ERMP1: variants seen among roughly 807,000 people sequenced by gnomAD.
ERMP1 encodes the protein Felix-ina.
In ERMP1, 86 loss-of-function variants were observed where a neutral mutation model predicts 92.0. The ratio of observed to expected loss-of-function variants is 0.93; its 90% CI spans 0.79 to 1.12. The LOEUF (loss-of-function observed/expected upper bound fraction) is 1.12, where lower values mean the gene tolerates loss of function less well. Ranked by LOEUF, ERMP1 falls within the 50% of genes most tolerant of loss-of-function variation. ERMP1 has a pLI of 0.00. For synonymous variants in ERMP1, 530 were observed against 412.8 expected (o/e 1.28, Z -3.44); for missense variants, 1,342 against 1,116.3 (o/e 1.20, Z -2.88).
chr9:5,841,396 AG>A (rs1830161327), intron 6 of ERMP1, among the ~76,000 whole-genome samples: 1 of 152,250 alleles, frequency 6.6e-6, no homozygotes, highest in East Asian at 1.9e-4. Context: ...TATCCAGAAT[AG>A]GTAACTGCAT....
intron 6 of ERMP1, among the ~76,000 whole-genome samples, chr9:5,854,152 G>A (rs997535394): frequency 1.1e-4 from 16 of 151,968 alleles, no homozygotes; most frequent in Non-Finnish European, 2.1e-4. Flanking sequence ...GCTGCTGTGG[G>A]TGAAGTTTTA....
chr9:5,795,506 G>T (rs147561547), intron 13 of ERMP1, among the ~76,000 whole-genome samples: 2 of 152,228 alleles, frequency 1.3e-5, no homozygotes, highest in Non-Finnish European at 2.9e-5. Flanking sequence ...TAGGCTGGGC[G>T]CGGTGGCTCA....
chr9:5,816,124 C>G (rs962037886), intron 4 of ERMP1, among the ~76,000 whole-genome samples: 1 of 152,154 alleles, frequency 6.6e-6, no homozygotes, highest in Admixed American at 6.6e-5. Flanking sequence ...AATCCACCCT[C>G]TTCCATGAGA....
chr9:5,841,337 G>A (rs903765634), intron 6 of ERMP1, among the ~76,000 whole-genome samples: 1 of 152,330 alleles, frequency 6.6e-6, no homozygotes, highest in Non-Finnish European at 1.5e-5. Context: ...CTAAGTGGAA[G>A]ACACCAGACA....
chr9:5,802,999 C>G (rs904975280), intron 10 of ERMP1, among the ~76,000 whole-genome samples: 2 of 152,150 alleles, frequency 1.3e-5, no homozygotes, highest in Non-Finnish European at 2.9e-5. Flanking sequence ...CACCACTGCA[C>G]TCCAGCCTGA....
At position 5,785,633 on chromosome 9, in the gene ERMP1, T is replaced by A. The variant is rs1280548814; in HGVS notation, c.*1511A>T. Reference sequence around the variant, plus strand: ...GGGGCATGATTTAAAAAGCACATCATACACATGAGACAAGCAGCTTCAAGG... The same window carrying A: ...GGGGCATGATTTAAAAAGCACATCAAACACATGAGACAAGCAGCTTCAAGG... On this transcript the variant is annotated 3_prime_UTR_variant, in exon 15 of 15. Transcript: ENST00000339450. 1 of 152,806 alleles carries A rather than the reference T, an allele frequency of 6.5e-6. No individual in the cohort carries two copies. The highest frequency in any genetic ancestry group is 1.5e-5 in the Non-Finnish European group (1 of 68,054). 9.5% of individuals were successfully genotyped at this position (152,806 alleles called of 1,614,324 possible).
In ERMP1 at chr9:5,787,366, G is replaced by C. The variant is rs537189869; in HGVS notation, c.2551-58C>G. The C allele has an allele frequency of 2.5e-6, 4 of 1,601,782 alleles. No homozygotes were observed. In the Admixed American group the frequency reaches 5.2e-5, roughly 21 times the overall value. ...TCAGAAGCCAGAATACTGAACCCAA[G>C]GTTCTTGCTAAATACCACCTGGGAA... On this transcript the variant is annotated intron_variant, in intron 14 of 14. Coordinates refer to ENST00000339450, the MANE Select transcript of ERMP1 (RefSeq NM_024896.3).
At chr9:5,862,360 T>C (rs1393576261) in intron 5 of ERMP1, among the ~76,000 whole-genome samples, 1 of 151,180 alleles carries the variant, frequency 6.6e-6, no homozygotes, top group Non-Finnish European at 1.5e-5. Context: ...AGAGACAGAG[T>C]CTCACTCTGT....
intron 13 of ERMP1, 120 bp downstream of exon 13, chr9:5,797,697 C>A: frequency 2.1e-5 from 13 of 627,208 alleles, no homozygotes; most frequent in East Asian, 5.7e-5. Context: ...ATTTTAGAAA[C>A]ATCACAGGCT....
chr9:5,793,435 TATTA>T (rs1269929090), intron 13 of ERMP1, among the ~76,000 whole-genome samples: 1 of 152,180 alleles, frequency 6.6e-6, no homozygotes, highest in East Asian at 1.9e-4. Flanking sequence ...ATATGGTAGC[TATTA>T]ATTCAACTAT....
intron 4 of ERMP1, among the ~76,000 whole-genome samples, chr9:5,819,955 G>C (rs1487969107): frequency 6.6e-6 from 1 of 152,036 alleles, no homozygotes; most frequent in African/African-American, 2.4e-5. Flanking sequence ...GCACAACTAA[G>C]AATTATATAT....
chr9:5,818,938 C>T lies in ERMP1; in HGVS notation c.874+4958G>A, dbSNP rs373046084. On this transcript the variant is annotated intron_variant, in intron 4 of 14. Coordinates refer to ENST00000339450, the MANE Select transcript of ERMP1 (RefSeq NM_024896.3). The stretch of plus-strand genomic sequence containing the variant: ...GCATTATCATTTTACTAACTTTTTG[C>T]TGATCAAGTATTTTAAAAATCCTTA... Among the ~76,000 whole-genome samples the T allele has an allele frequency of 5.4e-4, 82 of 152,236 alleles. 1 individual carries two copies. The highest frequency in any genetic ancestry group is 3.5e-3 in the South Asian group (17 of 4,830).
chr9:5,857,015 CT>C (rs906160248), intron 6 of ERMP1, among the ~76,000 whole-genome samples: 2 of 151,724 alleles, frequency 1.3e-5, no homozygotes, highest in Admixed American at 6.6e-5. Flanking sequence ...TGGACCATGA[CT>C]TTTTTTTCTT....
At chr9:5,858,533 C>G (rs948532367) in intron 6 of ERMP1, among the ~76,000 whole-genome samples, 7 of 152,346 alleles carry the variant, frequency 4.6e-5, no homozygotes, top group African/African-American at 1.7e-4. Flanking sequence ...CACCTCCACT[C>G]AGTGGCATGC....
intron 13 of ERMP1, among the ~76,000 whole-genome samples, chr9:5,797,095 C>T (rs1484033272): frequency 6.6e-6 from 1 of 152,072 alleles, no homozygotes; most frequent in African/African-American, 2.4e-5. Context: ...GGTTGGAATG[C>T]AGTGGTGCTA....
chr9:5,853,602 T>C (rs775900823), intron 6 of ERMP1, among the ~76,000 whole-genome samples: 20 of 152,062 alleles, frequency 1.3e-4, no homozygotes, highest in Non-Finnish European at 2.4e-4. Flanking sequence ...CAGGAAATCA[T>C]GGAAAGCCAG....
chr9:5,803,193 T>G (rs947425158), intron 10 of ERMP1, among the ~76,000 whole-genome samples: 4 of 152,190 alleles, frequency 2.6e-5, no homozygotes. Flanking sequence ...GAAAACAGTC[T>G]TACTCTATTA....
intron 4 of ERMP1, among the ~76,000 whole-genome samples, chr9:5,821,329 A>G (rs1829526919): frequency 6.6e-6 from 1 of 152,188 alleles, no homozygotes; most frequent in East Asian, 1.9e-4. Context: ...TTCCAGTCAC[A>G]CACAGCCCAG....
intron 8 of ERMP1, among the ~76,000 whole-genome samples, chr9:5,806,993 C>T (rs1280651838): frequency 4.6e-5 from 7 of 152,082 alleles, no homozygotes; most frequent in South Asian, 4.2e-4. Context: ...ATTAACACTG[C>T]GTTGATCAAG....
Sources: gnomAD v4.1 joint callset for allele counts (sites outside exome capture counted in the v4.1 genomes callset) on GRCh38, gnomAD v4.1.1 for gene constraint, MANE v1.5 for transcripts, NCBI Gene and HGNC (gene_info 2026-07-23, HGNC 2026-07-21) for gene names.